Variants in MYO1D observed in about 807,000 individuals in gnomAD.
MYO1D encodes the protein myosin ID.
MYO1D carries 83 observed loss-of-function variants against 122.0 expected under a neutral mutation model. The observed-to-expected ratio is 0.68, with a 90% CI of 0.57 to 0.82. The LOEUF (loss-of-function observed/expected upper bound fraction) is 0.82, where lower values mean the gene tolerates loss of function less well. MYO1D is among the 40% of genes least tolerant of loss of function. The probability of loss-of-function intolerance (pLI) is 0.00; values close to 1 mark genes in which losing one functional copy is unlikely to be tolerated. For synonymous variants in MYO1D, 464 were observed against 446.9 expected, an observed-to-expected ratio of 1.04 and a Z score of -0.48; for missense variants, 1,157 against 1,269.5, an observed-to-expected ratio of 0.91 and a Z score of 1.35.
At chr17:32,778,630 AT>A in intron 2 of MYO1D, 57 bp from the exon 3 acceptor site, 2 of 1,396,192 alleles carry the variant, frequency 1.4e-6, no homozygotes, top group Non-Finnish European at 2.0e-6. Flanking sequence ...GAGTAAGCTA[AT>A]TTTTAATAGA....
rs553097887 is a variant in MYO1D, at chr17:32,519,578, C to T, written c.2865-24663G>A. ...AACGAAGCCGCTGCCCGAGCCCGAG[C>T]GCCAGCGCACACGCCCTCCTTGCAG... On this transcript the variant is annotated intron_variant, in intron 21 of 21. Coordinates refer to ENST00000318217, the MANE Select transcript of MYO1D (RefSeq NM_015194.3). Among the ~76,000 whole-genome samples the T allele has an allele frequency of 1.2e-4, 18 of 151,942 alleles. No individual in the cohort carries two copies. In the East Asian group the frequency reaches 3.5e-3, roughly 29 times the overall value.
At chr17:32,513,946 T>A (rs1909791939) in intron 21 of MYO1D, among the ~76,000 whole-genome samples, 1 of 151,760 alleles carries the variant, frequency 6.6e-6, no homozygotes, top group Non-Finnish European at 1.5e-5. Context: ...ACCATGCTAA[T>A]TAAAAAAATT....
At chr17:32,722,744 T>C (rs1341158681) in intron 14 of MYO1D, among the ~76,000 whole-genome samples, 6 of 152,202 alleles carry the variant, frequency 3.9e-5, no homozygotes, top group Non-Finnish European at 7.3e-5. Flanking sequence ...GGTATAGTAA[T>C]AGTAAGAATA....
At chr17:32,789,863 T>C (rs567373168) in intron 1 of MYO1D, among the ~76,000 whole-genome samples, 1 of 152,340 alleles carries the variant, frequency 6.6e-6, no homozygotes, top group East Asian at 1.9e-4. Flanking sequence ...ATTGCTCTGC[T>C]GACACCTTGA....
chr17:32,581,741 T>TTGTGTGTG (rs35563167), intron 21 of MYO1D, among the ~76,000 whole-genome samples: 120 of 148,392 alleles, frequency 8.1e-4, no homozygotes, highest in African/African-American at 2.8e-3. Context: ...CCTGGCTAAT[T>TTGTGTGTG]TGTGTGTGTG....
chr17:32,804,316 T>C (rs1455215529), intron 1 of MYO1D, among the ~76,000 whole-genome samples: 1 of 152,186 alleles, frequency 6.6e-6, no homozygotes, highest in Non-Finnish European at 1.5e-5. Flanking sequence ...GTTGATTGAA[T>C]CCACAGATGC....
intron 21 of MYO1D, among the ~76,000 whole-genome samples, chr17:32,603,294 C>T (rs2087584323): frequency 6.6e-6 from 1 of 152,058 alleles, no homozygotes; most frequent in African/African-American, 2.4e-5. Flanking sequence ...CTTAATAGAT[C>T]AGAATTTGCT....
chr17:32,835,165 T>G (rs1045113106), intron 1 of MYO1D, among the ~76,000 whole-genome samples: 2 of 140,272 alleles, frequency 1.4e-5, no homozygotes, highest in Admixed American at 1.4e-4. Flanking sequence ...TCTTTTGGGG[T>G]TTTTTTTTTT....
chr17:32,523,645 C>T (rs1163207743), intron 21 of MYO1D, among the ~76,000 whole-genome samples: 1 of 151,932 alleles, frequency 6.6e-6, no homozygotes, highest in Non-Finnish European at 1.5e-5. Context: ...CCTATCTCTA[C>T]AAAAGATTAC....
chr17:32,716,618 A>G (rs1019704102), intron 15 of MYO1D, among the ~76,000 whole-genome samples: 1 of 152,248 alleles, frequency 6.6e-6, no homozygotes, highest in Non-Finnish European at 1.5e-5. Flanking sequence ...TCACATGAAA[A>G]AAAGTGAAAT....
intron 21 of MYO1D, among the ~76,000 whole-genome samples, chr17:32,527,500 T>A (rs1910378596): frequency 6.6e-6 from 1 of 152,184 alleles, no homozygotes; most frequent in South Asian, 2.1e-4. Flanking sequence ...TTGTCAAAGC[T>A]ACATAAAAGT....
chr17:32,728,198 A>G (rs1295412706), intron 14 of MYO1D, among the ~76,000 whole-genome samples: 1 of 152,088 alleles, frequency 6.6e-6, no homozygotes, highest in Non-Finnish European at 1.5e-5. Context: ...CTTGTATAGA[A>G]TATTGAATGC....
At chr17:32,559,916 G>A (rs560497151) in intron 21 of MYO1D, among the ~76,000 whole-genome samples, 9 of 152,180 alleles carry the variant, frequency 5.9e-5, no homozygotes, top group Non-Finnish European at 1.0e-4. Context: ...CTATGGTATT[G>A]TAATGCAGTG....
chr17:32,557,357 C>A (rs2087077157), intron 21 of MYO1D, among the ~76,000 whole-genome samples: 1 of 152,008 alleles, frequency 6.6e-6, no homozygotes, highest in Non-Finnish European at 1.5e-5. Context: ...GATCCACCTG[C>A]CTTGGCCTCC....
intron 14 of MYO1D, among the ~76,000 whole-genome samples, chr17:32,731,526 A>C (rs544518193): frequency 6.6e-6 from 1 of 152,262 alleles, no homozygotes; most frequent in African/African-American, 2.4e-5. Flanking sequence ...TTTTACTTAT[A>C]GTATCTTGTA....
At chr17:32,741,938 C>G (rs965751957) in intron 13 of MYO1D, among the ~76,000 whole-genome samples, 1 of 149,656 alleles carries the variant, frequency 6.7e-6, no homozygotes, top group African/African-American at 2.5e-5. Context: ...TGGCATGAAC[C>G]TGGGAGGCGG....
At chr17:32,692,850 T>C (rs553589626) in intron 16 of MYO1D, among the ~76,000 whole-genome samples, 1 of 152,370 alleles carries the variant, frequency 6.6e-6, no homozygotes, top group African/African-American at 2.4e-5. Flanking sequence ...GATTTCATGA[T>C]TTAATAGGCA....
intron 16 of MYO1D, among the ~76,000 whole-genome samples, chr17:32,662,353 C>T (rs2088577343): frequency 6.6e-6 from 1 of 152,182 alleles, no homozygotes; most frequent in African/African-American, 2.4e-5. Flanking sequence ...CTCAGACTGC[C>T]TGTTTTCAAA....
intron 21 of MYO1D, among the ~76,000 whole-genome samples, chr17:32,553,669 A>G (rs2087043008): frequency 6.6e-6 from 1 of 152,044 alleles, no homozygotes. Flanking sequence ...CTTCTTTGAC[A>G]AGTTCTTCTT....
Sources: allele counts gnomAD v4.1 joint callset (sites outside exome capture counted in the v4.1 genomes callset), GRCh38; gene constraint gnomAD v4.1.1; transcripts MANE v1.5; gene names NCBI Gene and HGNC (gene_info 2026-07-23, HGNC 2026-07-21).